The following CTCF variants were observed in gnomAD, a reference collection of about 807,000 sequenced individuals.
The protein encoded by CTCF is transcriptional repressor CTCF.
In CTCF, 7 loss-of-function variants were observed where a neutral mutation model predicts 72.3. The observed-to-expected ratio is 0.10, with a 90% CI of 0.06 to 0.18. The LOEUF (loss-of-function observed/expected upper bound fraction) is 0.18. CTCF is among the 10% of genes least tolerant of loss of function. The probability of loss-of-function intolerance (pLI) is 1.00; values close to 1 mark genes in which losing one functional copy is unlikely to be tolerated. For synonymous variants in CTCF, 374 were observed against 315.8 expected, an observed-to-expected ratio of 1.18 and a Z score of -1.95; for missense variants, 516 against 949.1, an observed-to-expected ratio of 0.54 and a Z score of 6.00.
Position 67,610,903 on chromosome 16 carries a change from C to T in CTCF, c.71C>T (p.Thr24Ile). 6.5e-7 allele frequency: 1 copy of T among 1,528,798 alleles called. No individual in the cohort carries two copies. Among genetic ancestry groups the T allele is most frequent in the Non-Finnish European group, 8.8e-7 (1 of 1,138,098 alleles). 94.7% of individuals were successfully genotyped at this position (1,528,798 alleles called of 1,614,324 possible). Residue 24 changes from threonine to isoleucine, a missense_variant, in exon 3 of 12, where the codon ACT becomes ATT. Physicochemically the swap from Thr to Ile is moderately conservative, Grantham distance 89. Around this residue, in one of 7 missense-constraint regions of CTCF, gnomAD observed 148 missense variants for 194.9 expected, o/e 0.76. Coordinates refer to ENST00000264010, the MANE Select transcript of CTCF (RefSeq NM_006565.4). ...TTTATTAAAGGAAAGGAGAGAAAGA[C>T]TTACCAGAGACGCCGGGAAGGGGGC... ...ETFIKGKERK[T>I]YQRRREGGQE...
intron 5 of CTCF, among the ~76,000 whole-genome samples, chr16:67,619,873 C>T (rs2052179840): frequency 6.6e-6 from 1 of 152,142 alleles, no homozygotes; most frequent in African/African-American, 2.4e-5. Context: ...TGTGAGCCAC[C>T]GTGACCTGCC....
intron 2 of CTCF, among the ~76,000 whole-genome samples, chr16:67,578,147 T>C (rs2051526600): frequency 6.6e-6 from 1 of 152,106 alleles, no homozygotes; most frequent in Non-Finnish European, 1.5e-5. Context: ...CCACCACATT[T>C]AATGTAAGAA....
At chr16:67,621,727 G>A in intron 7 of CTCF, 136 bp downstream of exon 7, 1 of 328,110 alleles carries the variant, frequency 3.0e-6, no homozygotes, top group Non-Finnish European at 5.6e-6. Context: ...ACTTAGTTTA[G>A]TAAAAGCCAT....
chr16:67,563,917 A>G (rs960171195), intron 1 of CTCF: 2 of 152,212 alleles, frequency 1.3e-5, no homozygotes, highest in African/African-American at 4.8e-5. Flanking sequence ...CTCGACTGGT[A>G]ATTTGCCCAT....
intron 6 of CTCF, 68 bp downstream of exon 6, chr16:67,620,885 A>G: frequency 7.4e-7 from 1 of 1,344,110 alleles, no homozygotes. Context: ...GACCCTGTGG[A>G]CCACTGTGTG....
At chr16:67,626,942 T>C in intron 8 of CTCF, 1 of 357,400 alleles carries the variant, frequency 2.8e-6, no homozygotes, top group Middle Eastern at 7.2e-4. Flanking sequence ...AGCAGACATC[T>C]TTCTGAAAAC....
At chr16:67,597,986 GT>G (rs996897661) in intron 2 of CTCF, among the ~76,000 whole-genome samples, 2 of 151,216 alleles carry the variant, frequency 1.3e-5, no homozygotes, top group Admixed American at 6.6e-5. Context: ...GTTTTTCTTA[GT>G]TTTTTTTTAG....
chr16:67,636,763 G>T lies in CTCF; in HGVS notation c.1911G>T (p.Glu637Asp). ...EPAVEIEPEP[E>D]PQPVTPAPPP... is the part of the protein sequence containing the mutation. ...CCGTAGAAATTGAACCTGAGCCAGA[G>T]CCTCAGCCTGTGACCCCAGCCCCAC... Residue 637 changes from glutamate (E) to aspartate (D), a missense_variant, in exon 11 of 12, where the codon GAG becomes GAT. Physicochemically the swap from Glu to Asp is conservative, Grantham distance 45. Transcript: ENST00000264010. The T allele has an allele frequency of 1.9e-6, 3 of 1,607,962 alleles. No individual in the cohort carries two copies. The highest frequency in any genetic ancestry group is 1.7e-6 in the Non-Finnish European group (2 of 1,177,258).
At position 67,638,928 on chromosome 16, in the gene CTCF, T is replaced by A. The variant is rs2052468428; in HGVS notation, c.*1056T>A. ...ATGAACTGTCACATGTTTAAAAATG[T>A]GTTTTTTAGAGAGCCTCAGTCTTAC... On this transcript the variant is annotated 3_prime_UTR_variant, in exon 12 of 12. Transcript: ENST00000264010. 1 of 205,124 alleles carries A rather than the reference T, an allele frequency of 4.9e-6. No individual in the cohort carries two copies. The highest frequency in any genetic ancestry group is 1.0e-5 in the Non-Finnish European group (1 of 100,098). 12.7% of individuals were successfully genotyped at this position (205,124 alleles called of 1,614,324 possible).
At chr16:67,629,584 G>C (rs2142870446) in intron 10 of CTCF, 51 bp downstream of exon 10, 1 of 1,597,068 alleles carries the variant, frequency 6.3e-7, no homozygotes, top group Non-Finnish European at 8.5e-7. Flanking sequence ...TTGGAGCCCA[G>C]TTTCCAGTGT....
At chr16:67,628,245 C>A in intron 8 of CTCF, 125 bp from the exon 9 acceptor site, 1 of 774,250 alleles carries the variant, frequency 1.3e-6, no homozygotes. Context: ...ATCATCTCAA[C>A]AAGCCGTGTG....
chr16:67,633,781 G>GACACACACACACACAC (rs10587869), intron 10 of CTCF, among the ~76,000 whole-genome samples: 1 of 143,106 alleles, frequency 7.0e-6, no homozygotes, highest in African/African-American at 2.6e-5. Context: ...CTTGTCCCCT[G>GACACACACACACACAC]ACACACACAC....
intron 1 of CTCF, chr16:67,568,116 G>A (rs1397649950): frequency 2.0e-5 from 3 of 151,616 alleles, no homozygotes; most frequent in Non-Finnish European, 4.4e-5. Context: ...AGTTCACTCT[G>A]TCTCCCAGGC....
At chr16:67,598,880 C>T (rs1391004099) in intron 2 of CTCF, among the ~76,000 whole-genome samples, 1 of 152,196 alleles carries the variant, frequency 6.6e-6, no homozygotes, top group Non-Finnish European at 1.5e-5. Context: ...AATTAAAGGC[C>T]ATTGCTGGCC....
At chr16:67,580,426 A>G (rs1206669310) in intron 2 of CTCF, among the ~76,000 whole-genome samples, 3 of 151,626 alleles carry the variant, frequency 2.0e-5, no homozygotes, top group Non-Finnish European at 4.4e-5. Flanking sequence ...CTGGCCTTCA[A>G]CTCCTGGCCT....
intron 2 of CTCF, among the ~76,000 whole-genome samples, chr16:67,608,636 G>A (rs780867679): frequency 6.6e-5 from 10 of 152,066 alleles, no homozygotes; most frequent in Non-Finnish European, 1.5e-4. Context: ...TGTATTAATC[G>A]TATAGCATTA....
rs746166629 is a variant in CTCF, at chr16:67,637,876, C to T, written c.*4C>T. The T allele has an allele frequency of 1.4e-5, 23 of 1,600,992 alleles. No homozygotes were observed. The South Asian group carries it at 1.5e-4, about 11-fold the overall frequency. ...CCTCAGCATGATGGACCGGTGATGG[C>T]GGAGCCTTGTGCGTCGCCAGGACTT... is the stretch of plus-strand genomic sequence containing the variant. On this transcript the variant is annotated 3_prime_UTR_variant, in exon 12 of 12. Transcript: ENST00000264010.
Position 67,610,953 on chromosome 16 carries a change from C to A in CTCF, c.121C>A (p.Pro41Thr). Reference protein sequence around the residue: ...GGQEEDACHLPQNQTDGGEVV... With the variant: ...GGQEEDACHLTQNQTDGGEVV... ...CCAGGAAGAAGATGCCTGCCACTTA[C>A]CCCAGAACCAGACGGATGGGGGTGA... The change falls in exon 3 of 12, where the codon CCC (proline) becomes ACC (threonine). Residue 41 changes from proline (P) to threonine (T), a missense_variant. Physicochemically the swap from Pro to Thr is conservative, Grantham distance 38. Around this residue, in one of 7 missense-constraint regions of CTCF, gnomAD observed 148 missense variants for 194.9 expected, o/e 0.76. Transcript: ENST00000264010. 1 of 1,586,868 alleles carries A rather than the reference C, an allele frequency of 6.3e-7. No homozygotes were observed. The highest frequency in any genetic ancestry group is 8.6e-7 in the Non-Finnish European group (1 of 1,161,018).
chr16:67,617,034 T>TA (rs2052140562), intron 5 of CTCF, among the ~76,000 whole-genome samples, 156 bp downstream of exon 5: 1 of 152,138 alleles, frequency 6.6e-6, no homozygotes, highest in South Asian at 2.1e-4. Flanking sequence ...CCAAAAAACT[T>TA]ATGATGATTG....
Sources: allele counts gnomAD v4.1 joint callset (sites outside exome capture counted in the v4.1 genomes callset), GRCh38; gene constraint gnomAD v4.1.1; regional missense constraint gnomAD v4.1.1; transcripts MANE v1.5; gene names NCBI Gene and HGNC (gene_info 2026-07-23, HGNC 2026-07-21).